MCMDC2: variants seen among roughly 807,000 people sequenced by gnomAD.
MCMDC2 encodes the protein minichromosome maintenance domain-containing protein 2.
A neutral mutation model predicts 75.8 loss-of-function variants in MCMDC2; 54 were observed. That is an observed-to-expected ratio of 0.71 (90% CI 0.57 to 0.89). The LOEUF (loss-of-function observed/expected upper bound fraction) is 0.89. Ranked by LOEUF, MCMDC2 falls within the 40% of genes least tolerant of loss-of-function variation. The pLI is 0.00. For synonymous variants in MCMDC2, 249 were observed against 274.6 expected (o/e 0.91, Z 0.92); for missense variants, 656 against 780.4 (o/e 0.84, Z 1.90).
intron 9 of MCMDC2, among the ~76,000 whole-genome samples, chr8:66,887,308 G>A (rs1484461331): frequency 1.3e-5 from 2 of 151,794 alleles, no homozygotes; most frequent in Admixed American, 1.3e-4. Flanking sequence ...GGGAGACTGA[G>A]GTGGGCGGAT....
In MCMDC2 at chr8:66,890,934, C is replaced by T. The variant is rs1458442413; in HGVS notation, c.1143C>T (p.Pro381=). 1 of 1,613,752 alleles carries T rather than the reference C, an allele frequency of 6.2e-7. No individual in the cohort carries two copies. The highest frequency in any genetic ancestry group is 1.1e-5 in the South Asian group (1 of 90,932). ...ATCTAGTCTCTACTGAAATTTTTCC[C>T]ACTCTATCCAGGAATAAGTATGGAA... ...IRHLVSTEIF[P]TLSRNKYGTG... The change falls in exon 10 of 15, where the codon CCC becomes CCT. Residue 381 remains proline (P), a synonymous_variant. Coordinates refer to ENST00000422365, the MANE Select transcript of MCMDC2 (RefSeq NM_173518.5).
At chr8:66,913,546 T>C (rs762657634) in intron 14 of MCMDC2, among the ~76,000 whole-genome samples, 6 of 152,212 alleles carry the variant, frequency 3.9e-5, no homozygotes, top group South Asian at 2.1e-4. Flanking sequence ...TTTTTTCCAA[T>C]ATGTGAGTCA....
chr8:66,923,765 G>A (rs796811540), downstream of MCMDC2, among the ~76,000 whole-genome samples: 12 of 152,228 alleles, frequency 7.9e-5, no homozygotes, highest in African/African-American at 2.9e-4. Context: ...GTGGGTGCCT[G>A]TAATCCTAGC....
intron 8 of MCMDC2, 124 bp from the exon 9 acceptor site, chr8:66,883,633 A>T: frequency 1.6e-6 from 1 of 624,986 alleles, no homozygotes; most frequent in Non-Finnish European, 2.7e-6. Context: ...GTCTCAAAAA[A>T]AAAAAGAATA....
chr8:66,885,141 G>A (rs1811775641), intron 9 of MCMDC2, among the ~76,000 whole-genome samples: 2 of 151,942 alleles, frequency 1.3e-5, no homozygotes, highest in South Asian at 4.1e-4. Flanking sequence ...AGACCATCCT[G>A]GCTAACACCG....
At chr8:66,917,791 G>A (rs541215900) in intron 14 of MCMDC2, among the ~76,000 whole-genome samples, 2 of 152,054 alleles carry the variant, frequency 1.3e-5, no homozygotes, top group Admixed American at 6.6e-5. Flanking sequence ...AGAATGTTTC[G>A]TTTATCCATT....
intron 8 of MCMDC2, among the ~76,000 whole-genome samples, chr8:66,882,607 G>A (rs548203267): frequency 1.3e-3 from 196 of 152,056 alleles, no homozygotes; most frequent in African/African-American, 4.4e-3. Flanking sequence ...CTCATGATCC[G>A]CCCACCTTGG....
chr8:66,911,753 T>C (rs1334573078), intron 14 of MCMDC2, among the ~76,000 whole-genome samples: 1 of 149,826 alleles, frequency 6.7e-6, no homozygotes, highest in African/African-American at 2.5e-5. Context: ...AACCTGGGAG[T>C]CGGGGGTTGC....
chr8:66,880,722 A>G (rs1811518022), intron 7 of MCMDC2, 127 bp from the exon 8 acceptor site: 1 of 973,296 alleles, frequency 1.0e-6, no homozygotes, highest in Admixed American at 4.0e-5. Flanking sequence ...ATATTATCCT[A>G]AACAAAAGTA....
intron 12 of MCMDC2, among the ~76,000 whole-genome samples, chr8:66,899,477 T>C (rs1291762391): frequency 2.0e-5 from 3 of 152,158 alleles, no homozygotes; most frequent in Admixed American, 1.3e-4. Flanking sequence ...ATCCAGGACA[T>C]GTCCAATCTA....
rs1425380244 is a variant in MCMDC2, at chr8:66,900,478, T to C, written c.1627-728T>C. On this transcript the variant is annotated intron_variant, in intron 12 of 14. Transcript: ENST00000422365. ...AAAAACATATAAATTTTATAGTTAA[T>C]AGCAACCTTTCTCCAGGTGTAGGTA... 2.0e-5 allele frequency among the ~76,000 whole-genome samples: 3 copies of C among 151,922 alleles called. No homozygotes were observed. The East Asian group carries it at 5.8e-4, about 29-fold the overall frequency.
Position 66,901,314 on chromosome 8 carries a change from G to T in MCMDC2, c.1735G>T (p.Gly579Ter). 6.2e-7 allele frequency: 1 copy of T among 1,612,526 alleles called. No homozygotes were observed. The highest frequency in any genetic ancestry group is 8.5e-7 in the Non-Finnish European group (1 of 1,179,300). ...CAGAATCAGAACAGGCTCTGTATGT[G>T]GATCAAAGCTGTCAGCATCTGCATT... ...SRRIRTGSVCGSKLSASALKY... is the reference protein window; with the variant it reads ...SRRIRTGSVC The change falls in exon 13 of 15, where the codon GGA (glycine) becomes TGA (stop). Residue 579 changes from glycine (G) to a stop codon, truncating the protein, a stop_gained. Transcript: ENST00000422365. LOFTEE classifies it high-confidence loss of function.
At position 66,878,650 on chromosome 8, in the gene MCMDC2, A is replaced by G. The variant is rs141199157; in HGVS notation, c.558A>G (p.Leu186=). 8.8e-5 allele frequency: 139 copies of G among 1,572,908 alleles called. No homozygotes were observed. The African/African-American group carries it at 1.2e-3, about 13-fold the overall frequency. The change falls in exon 6 of 15, where the codon CTA becomes CTG. Residue 186 remains leucine (L), a synonymous_variant. Transcript: ENST00000422365. ...TAAGAAATGACTTTTTGTGTAATCT[A>G]TGTGCATCTTCACTTCAAGAAGACA... ...ATIRNDFLCN[L]CASSLQEDRK... is the part of the protein sequence containing the mutation.
At position 66,920,844 on chromosome 8, in the gene MCMDC2, T is replaced by C. The variant is rs891522106; in HGVS notation, c.*1675T>C. On this transcript the variant is annotated 3_prime_UTR_variant, in exon 15 of 15. Coordinates refer to ENST00000422365, the MANE Select transcript of MCMDC2 (RefSeq NM_173518.5). Reference sequence around the variant, plus strand: ...CATGCTACCACCCTGGGATAACTTCTGCATTTTTTGTAGAGATGGAATTTT... The same window carrying C: ...CATGCTACCACCCTGGGATAACTTCCGCATTTTTTGTAGAGATGGAATTTT... The C allele has an allele frequency of 1.3e-5, 2 of 152,130 alleles. No homozygotes were observed. The highest frequency in any genetic ancestry group is 3.9e-4 in the East Asian group (2 of 5,190). The allele number at this position is 152,130 out of a possible 1,614,324, so 9.4% of individuals were successfully genotyped here.
intron 8 of MCMDC2, among the ~76,000 whole-genome samples, chr8:66,883,372 A>C (rs575786106): frequency 1.3e-5 from 2 of 152,226 alleles, no homozygotes; most frequent in Non-Finnish European, 2.9e-5. Context: ...AAGGAGAAGA[A>C]TGAGGGATTT....
At chr8:66,875,760 C>T (rs1214308049) in intron 4 of MCMDC2, among the ~76,000 whole-genome samples, 2 of 152,214 alleles carry the variant, frequency 1.3e-5, no homozygotes, top group Non-Finnish European at 2.9e-5. Flanking sequence ...TTGGTTCTTA[C>T]ATCTCACTAA....
chr8:66,872,819 CG>C (rs1461900043), intron 1 of MCMDC2, among the ~76,000 whole-genome samples: 1 of 151,756 alleles, frequency 6.6e-6, no homozygotes, highest in African/African-American at 2.4e-5. Flanking sequence ...TTAGCTGGGC[CG>C]GGTGACACAT....
At chr8:66,902,028 A>C (rs1812689390) in intron 13 of MCMDC2, among the ~76,000 whole-genome samples, 1 of 151,932 alleles carries the variant, frequency 6.6e-6, no homozygotes, top group Non-Finnish European at 1.5e-5. Flanking sequence ...GCTTGAGCTC[A>C]GTTCAAGACC....
intron 14 of MCMDC2, among the ~76,000 whole-genome samples, chr8:66,912,378 C>T (rs112357593): frequency 0.035 from 5,282 of 152,206 alleles, 329 homozygotes; most frequent in African/African-American, 0.12. Flanking sequence ...GGAATCTATT[C>T]CTGGGGAAGA....
Sources: gnomAD v4.1 joint callset for allele counts (sites outside exome capture counted in the v4.1 genomes callset) on GRCh38, gnomAD v4.1.1 for gene constraint, MANE v1.5 for transcripts, NCBI Gene and HGNC (gene_info 2026-07-23, HGNC 2026-07-21) for gene names.